The following NIPAL1 variants were observed in gnomAD, a reference collection of about 807,000 sequenced individuals.
NIPAL1 encodes NIPA like domain containing 1, also known as magnesium transporter NIPA3.
A neutral mutation model predicts 37.7 loss-of-function variants in NIPAL1; 35 were observed. That is an observed-to-expected ratio of 0.93 (90% CI 0.71 to 1.23). The LOEUF is 1.23. Among genes scored for constraint, NIPAL1 ranks in the 50% most tolerant of loss-of-function variants. The pLI is 0.00. For missense variants in NIPAL1, 412 were observed against 473.9 expected, an observed-to-expected ratio of 0.87 and a Z score of 1.21; for synonymous variants, 162 against 183.0, an observed-to-expected ratio of 0.89 and a Z score of 0.93.
At chr4:48,028,730 A>C (rs1441214028) in intron 2 of NIPAL1, among the ~76,000 whole-genome samples, 1 of 152,090 alleles carries the variant, frequency 6.6e-6, no homozygotes, top group East Asian at 1.9e-4. Flanking sequence ...AACAAGAAAA[A>C]AACAAACCCA....
chr4:48,020,002 C>T (rs932776126), intron 1 of NIPAL1, among the ~76,000 whole-genome samples: 9 of 152,180 alleles, frequency 5.9e-5, no homozygotes, highest in African/African-American at 1.9e-4. Flanking sequence ...TTACTACTTG[C>T]TATGGCACTC....
chr4:48,025,234 C>G lies in NIPAL1; in HGVS notation c.213C>G (p.Gly71=), dbSNP rs767194396. The change falls in exon 2 of 6, where the codon GGC becomes GGG. Residue 71 remains glycine (G), a synonymous_variant. Coordinates refer to ENST00000295461, the MANE Select transcript of NIPAL1 (RefSeq NM_207330.3). ...NVENKYSLYV[G]LVLAVSSSIF... ...AAAACAAATACAGTCTTTATGTGGGCTTGGTACTGGCAGTAAGCTCAAGTA... is the reference window on the plus strand; with the variant it reads ...AAAACAAATACAGTCTTTATGTGGGGTTGGTACTGGCAGTAAGCTCAAGTA... 6.2e-7 allele frequency: 1 copy of G among 1,614,104 alleles called. No individual in the cohort carries two copies. The highest frequency in any genetic ancestry group is 8.5e-7 in the Non-Finnish European group (1 of 1,179,946).
Position 48,035,858 on chromosome 4 carries a change from A to G in NIPAL1, c.919A>G (p.Thr307Ala), listed in dbSNP as rs1183738793. Residue 307 changes from threonine (T) to alanine (A), a missense_variant, in exon 6 of 6, where the codon ACA (threonine) becomes GCA (alanine). Thr to Ala is a moderately conservative substitution (Grantham distance 58). Transcript: ENST00000295461. ...ALDTFNTSLVTPIYYVFFTSM... is the reference protein window; with the variant it reads ...ALDTFNTSLVAPIYYVFFTSM... ...GGACACCTTTAATACCTCTCTTGTG[A>G]CACCCATTTATTATGTATTCTTCAC... 2.5e-6 allele frequency: 4 copies of G among 1,614,018 alleles called. No homozygotes were observed. Among genetic ancestry groups the G allele is most frequent in the Admixed American group, 3.3e-5 (2 of 60,000 alleles).
At chr4:48,034,307 GT>G (rs945834826) in intron 4 of NIPAL1, among the ~76,000 whole-genome samples, 13 of 150,768 alleles carry the variant, frequency 8.6e-5, no homozygotes, top group Admixed American at 4.0e-4. Context: ...AATATTATGA[GT>G]TTTTTTTGTG....
intron 4 of NIPAL1, among the ~76,000 whole-genome samples, chr4:48,033,376 A>G (rs539160989): frequency 6.6e-6 from 1 of 152,340 alleles, no homozygotes; most frequent in African/African-American, 2.4e-5. Flanking sequence ...TAGGAAATAG[A>G]CTGTCACATT....
intron 1 of NIPAL1, among the ~76,000 whole-genome samples, chr4:48,017,426 C>T (rs1039244550): frequency 6.6e-6 from 1 of 152,236 alleles, no homozygotes; most frequent in African/African-American, 2.4e-5. Context: ...GCCCACGTCT[C>T]TCCTCTTCCT....
rs910646622 is a variant in NIPAL1 at position 48,037,738 on chromosome 4, G to T, written c.*1566G>T. On this transcript the variant is annotated 3_prime_UTR_variant, in exon 6 of 6. Coordinates refer to ENST00000295461, the MANE Select transcript of NIPAL1 (RefSeq NM_207330.3). The stretch of plus-strand genomic sequence containing the variant: ...GCTACTGCAGGAAAATACCTTTTTC[G>T]CACATTAAAATGTTTATAAAATTTT... The T allele has an allele frequency of 6.6e-6, 1 of 151,954 alleles. No individual in the cohort carries two copies. Among genetic ancestry groups the T allele is most frequent in the East Asian group, 1.9e-4 (1 of 5,192 alleles). 9.4% of individuals were successfully genotyped at this position (151,954 alleles called of 1,614,324 possible).
chr4:48,037,685 TG>T lies in NIPAL1; in HGVS notation c.*1515del, dbSNP rs1382306345. The T allele has an allele frequency of 2.6e-5, 4 of 152,372 alleles. No individual in the cohort carries two copies. Among genetic ancestry groups the T allele is most frequent in the African/African-American group, 9.7e-5 (4 of 41,450 alleles). The allele number at this position is 152,372 out of a possible 1,614,324, so 9.4% of individuals were successfully genotyped here. A position where few individuals can be genotyped will look rare whatever the true frequency, so the allele number is the denominator to read the frequency against. On this transcript the variant is annotated 3_prime_UTR_variant, in exon 6 of 6. Coordinates refer to ENST00000295461, the MANE Select transcript of NIPAL1 (RefSeq NM_207330.3). ...CTAATAGGATAGAAAGTTAACTTCCTGGCAAACAAAATACTAAGATCTCAGG... is the reference window on the plus strand; with the variant it reads ...CTAATAGGATAGAAAGTTAACTTCCTGCAAACAAAATACTAAGATCTCAGG...
chr4:48,021,213 A>G (rs1157511362), intron 1 of NIPAL1, among the ~76,000 whole-genome samples: 1 of 152,210 alleles, frequency 6.6e-6, no homozygotes, highest in Non-Finnish European at 1.5e-5. Context: ...ATGAGTTTAG[A>G]ACTGGTCCAT....
At chr4:48,020,136 C>T (rs1225663879) in intron 1 of NIPAL1, among the ~76,000 whole-genome samples, 1 of 152,132 alleles carries the variant, frequency 6.6e-6, no homozygotes, top group Non-Finnish European at 1.5e-5. Flanking sequence ...ACAGGTAGTA[C>T]ACCATACATA....
At chr4:48,026,691 G>C (rs1053798858) in intron 2 of NIPAL1, among the ~76,000 whole-genome samples, 5 of 151,824 alleles carry the variant, frequency 3.3e-5, no homozygotes, top group Non-Finnish European at 5.9e-5. Flanking sequence ...ATACATTCTA[G>C]ATAGGTTAGA....
chr4:48,018,833 G>T (rs936747081), intron 1 of NIPAL1, among the ~76,000 whole-genome samples: 4 of 152,110 alleles, frequency 2.6e-5, no homozygotes, highest in Admixed American at 6.5e-5. Flanking sequence ...TAATTTAAAA[G>T]ATCATTATAA....
At chr4:48,033,789 TG>T (rs1715869892) in intron 4 of NIPAL1, among the ~76,000 whole-genome samples, 1 of 152,246 alleles carries the variant, frequency 6.6e-6, no homozygotes, top group Non-Finnish European at 1.5e-5. Flanking sequence ...CTTGTCTTTT[TG>T]TTTTCTATTC....
chr4:48,035,100 A>G (rs1715897783), intron 5 of NIPAL1, 59 bp downstream of exon 5: 2 of 1,338,390 alleles, frequency 1.5e-6, no homozygotes, highest in South Asian at 1.2e-5. Context: ...TCCTCACCAA[A>G]TAGTATCTGT....
At chr4:48,028,315 T>C (rs1715737052) in intron 2 of NIPAL1, among the ~76,000 whole-genome samples, 1 of 151,924 alleles carries the variant, frequency 6.6e-6, no homozygotes, top group Admixed American at 6.6e-5. Context: ...GAAAATAATA[T>C]ACGCTAGGGA....
chr4:48,039,312 C>G lies in NIPAL1; in HGVS notation c.*3140C>G, dbSNP rs192124210. 48 of 151,942 alleles carry G rather than the reference C, an allele frequency of 3.2e-4. No individual in the cohort carries two copies. The highest frequency in any genetic ancestry group is 1.2e-3 in the African/African-American group (48 of 41,452). 9.4% of individuals were successfully genotyped at this position (151,942 alleles called of 1,614,324 possible). ...TGAGCCAAGATTGTGCCACCACACT[C>G]CAGCCTGGGTAACAGCAAGACTCCG... is the stretch of plus-strand genomic sequence containing the variant. On this transcript the variant is annotated 3_prime_UTR_variant, in exon 6 of 6. Coordinates refer to ENST00000295461, the MANE Select transcript of NIPAL1 (RefSeq NM_207330.3).
chr4:48,030,620 G>A (rs1299705569), intron 3 of NIPAL1, among the ~76,000 whole-genome samples: 1 of 152,178 alleles, frequency 6.6e-6, no homozygotes, highest in African/African-American at 2.4e-5. Flanking sequence ...GCTTGGTACT[G>A]AACAAATGGA....
intron 1 of NIPAL1, among the ~76,000 whole-genome samples, chr4:48,022,948 A>G (rs1715608540): frequency 6.6e-6 from 1 of 152,136 alleles, no homozygotes; most frequent in Non-Finnish European, 1.5e-5. Context: ...TGATGACACC[A>G]CTGCACTACA....
rs1327853675 is a variant in NIPAL1, at chr4:48,037,889, T to C, written c.*1717T>C. ...GGCTATCTTATTTTTATAACAATCTTATTTTTCTCAAAACAAAAATCCTAA... is the reference window on the plus strand; with the variant it reads ...GGCTATCTTATTTTTATAACAATCTCATTTTTCTCAAAACAAAAATCCTAA... On this transcript the variant is annotated 3_prime_UTR_variant, in exon 6 of 6. Coordinates refer to ENST00000295461, the MANE Select transcript of NIPAL1 (RefSeq NM_207330.3). 1 of 152,128 alleles carries C rather than the reference T, an allele frequency of 6.6e-6. No homozygotes were observed. Among genetic ancestry groups the C allele is most frequent in the Admixed American group, 6.5e-5 (1 of 15,272 alleles). The allele number at this position is 152,128 out of a possible 1,614,324, so 9.4% of individuals were successfully genotyped here.
Sources: allele counts gnomAD v4.1 joint callset (sites outside exome capture counted in the v4.1 genomes callset), GRCh38; gene constraint gnomAD v4.1.1; transcripts MANE v1.5; gene names NCBI Gene and HGNC (gene_info 2026-07-23, HGNC 2026-07-21).